Variants in PCSK5 observed in about 807,000 individuals in gnomAD.
The protein encoded by PCSK5 is prohormone convertase 5.
PCSK5 carries 129 observed loss-of-function variants against 233.2 expected under a neutral mutation model. The observed-to-expected ratio is 0.55, with a 90% CI of 0.48 to 0.64. The LOEUF (loss-of-function observed/expected upper bound fraction) is 0.64. Ranked by LOEUF, PCSK5 falls within the 30% of genes least tolerant of loss-of-function variation. The pLI, the probability that PCSK5 is intolerant of heterozygous loss-of-function variation, is 0.00. For missense variants in PCSK5, 2,076 were observed against 2,430.1 expected (o/e 0.85, Z 3.06); for synonymous variants, 825 against 879.2 (o/e 0.94, Z 1.09).
intron 20 of PCSK5, chr9:76,205,146 TC>T (rs1564106893): frequency 1.9e-6 from 1 of 518,956 alleles, no homozygotes; most frequent in South Asian, 1.4e-5. Flanking sequence ...AGGTATTTTT[TC>T]CCCCACCAAA....
At chr9:76,276,865 A>G (rs1009963048) in intron 24 of PCSK5, among the ~76,000 whole-genome samples, 1 of 152,240 alleles carries the variant, frequency 6.6e-6, no homozygotes, top group African/African-American at 2.4e-5. Context: ...ACCTGTCTTC[A>G]TGAAGCTTGC....
intron 25 of PCSK5, among the ~76,000 whole-genome samples, 177 bp downstream of exon 25, chr9:76,292,452 C>A (rs971826294): frequency 8.5e-5 from 13 of 152,272 alleles, no homozygotes; most frequent in Non-Finnish European, 1.5e-4. Context: ...TGTTTCCTTG[C>A]CTCGAAAGGA....
rs1375359918 is a variant in PCSK5 at position 76,233,454 on chromosome 9, C to T, written c.2730-6C>T. ...GATGAATTCTAAAAGTCTGCTTTTCCTCTAGGATTTTTGATGATGGCCGCT... is the reference window on the plus strand; with the variant it reads ...GATGAATTCTAAAAGTCTGCTTTTCTTCTAGGATTTTTGATGATGGCCGCT... On this transcript the variant is annotated splice_polypyrimidine_tract_variant and splice_region_variant and intron_variant, in intron 21 of 37. Transcript: ENST00000674117. The T allele has an allele frequency of 1.2e-6, 2 of 1,612,520 alleles. No homozygotes were observed. The highest frequency in any genetic ancestry group is 2.2e-5 in the East Asian group (1 of 44,882).
intron 24 of PCSK5, among the ~76,000 whole-genome samples, chr9:76,251,216 A>G (rs922933599): frequency 1.3e-5 from 2 of 152,148 alleles, no homozygotes; most frequent in South Asian, 2.1e-4. Flanking sequence ...GCAGTGAGCT[A>G]TGATCACGCC....
intron 5 of PCSK5, among the ~76,000 whole-genome samples, chr9:76,049,123 A>G (rs1381485268): frequency 6.6e-6 from 1 of 152,062 alleles, no homozygotes; most frequent in East Asian, 1.9e-4. Context: ...AAGAAGAAAG[A>G]AAAAAGGAGA....
intron 9 of PCSK5, among the ~76,000 whole-genome samples, chr9:76,121,431 G>GTA (rs772833189): frequency 6.6e-6 from 1 of 152,138 alleles, no homozygotes; most frequent in African/African-American, 2.4e-5. Flanking sequence ...TAATGTGTGT[G>GTA]TATATATGTG....
chr9:76,187,596 CGA>C (rs1483204300), intron 17 of PCSK5, among the ~76,000 whole-genome samples: 2 of 152,182 alleles, frequency 1.3e-5, no homozygotes, highest in Admixed American at 1.3e-4. Flanking sequence ...CTCCTGGCTT[CGA>C]GTGATCCACC....
chr9:76,224,475 T>C (rs1166170084), intron 20 of PCSK5, among the ~76,000 whole-genome samples: 1 of 151,776 alleles, frequency 6.6e-6, no homozygotes, highest in East Asian at 1.9e-4. Context: ...AGGTGATGTC[T>C]CCTTTTGCAG....
intron 20 of PCSK5, among the ~76,000 whole-genome samples, chr9:76,197,261 C>T (rs1026759223): frequency 6.6e-6 from 1 of 152,134 alleles, no homozygotes. Context: ...ATAGTGTGTC[C>T]ATTCTGAATC....
chr9:76,184,389 A>AG lies in PCSK5; in HGVS notation c.2198-284_2198-283insG, dbSNP rs67032941. On this transcript the variant is annotated intron_variant, in intron 16 of 37. Transcript: ENST00000674117. ...GGGAGAGAGACTAGGAAGAAGAAGAAAAAAAAAAGACCTATAAACTATTCA... is the reference window on the plus strand; with the variant it reads ...GGGAGAGAGACTAGGAAGAAGAAGAAGAAAAAAAAGACCTATAAACTATTCA... Among the ~76,000 whole-genome samples the AG allele has an allele frequency of 2.1e-3, 313 of 151,522 alleles. 1 individual carries two copies. Among genetic ancestry groups the AG allele is most frequent in the Non-Finnish European group, 3.8e-3 (258 of 67,802 alleles).
In PCSK5 at chr9:76,069,451, C is replaced by T. The variant is rs998248773; in HGVS notation, c.721+1408C>T. 1.6e-3 allele frequency among the ~76,000 whole-genome samples: 56 copies of T among 35,814 alleles called. 1 individual carries two copies. Among genetic ancestry groups the T allele is most frequent in the Admixed American group, 0.012 (33 of 2,844 alleles). 23.5% of individuals were successfully genotyped at this position (35,814 alleles called of 152,430 possible). On this transcript the variant is annotated intron_variant, in intron 6 of 37. Transcript: ENST00000674117. Reference sequence around the variant, plus strand: ...AAACCAATGACCTAGCTTACAGAACCTTATTTAAAAAAAAAAAAAAGGATA... The same window carrying T: ...AAACCAATGACCTAGCTTACAGAACTTTATTTAAAAAAAAAAAAAAGGATA...
At chr9:76,132,953 T>C (rs571758080) in intron 9 of PCSK5, among the ~76,000 whole-genome samples, 1 of 152,082 alleles carries the variant, frequency 6.6e-6, no homozygotes, top group East Asian at 1.9e-4. Flanking sequence ...ATACAGGCCC[T>C]ATCATGAAAA....
At chr9:76,184,565 C>T in intron 16 of PCSK5, 108 bp from the exon 17 acceptor site, 1 of 597,500 alleles carries the variant, frequency 1.7e-6, no homozygotes, top group East Asian at 3.0e-5. Flanking sequence ...ATTGTCTAGT[C>T]AAGGCCATAG....
At chr9:76,157,345 C>A (rs1379535819) in intron 11 of PCSK5, among the ~76,000 whole-genome samples, 183 bp downstream of exon 11, 1 of 152,062 alleles carries the variant, frequency 6.6e-6, no homozygotes, top group Non-Finnish European at 1.5e-5. Context: ...ACTAGTATAG[C>A]CCAAGAATCC....
At chr9:76,193,476 T>TTTTC (rs1361985477) in intron 20 of PCSK5, 4 of 725,468 alleles carry the variant, frequency 5.5e-6, no homozygotes, top group South Asian at 2.4e-5. Context: ...CTTGCTCTCT[T>TTTTC]TTTCTTTCTC....
At chr9:76,304,090 T>C (rs1845639) in intron 28 of PCSK5, among the ~76,000 whole-genome samples, 44,070 of 151,974 alleles carry the variant, frequency 0.29, 6,901 homozygotes, top group African/African-American at 0.39. Context: ...GAGAATCGCT[T>C]GAACCTGGGA....
intron 2 of PCSK5, among the ~76,000 whole-genome samples, chr9:75,966,135 A>T (rs534139486): frequency 6.6e-6 from 1 of 152,282 alleles, no homozygotes; most frequent in East Asian, 1.9e-4. Flanking sequence ...TGTCTCTAGG[A>T]ATCACTCTGA....
intron 20 of PCSK5, among the ~76,000 whole-genome samples, chr9:76,204,673 G>A (rs1825044860): frequency 6.6e-6 from 1 of 152,132 alleles, no homozygotes; most frequent in Non-Finnish European, 1.5e-5. Context: ...CATGAGGGCA[G>A]GAGTGCATTT....
intron 3 of PCSK5, among the ~76,000 whole-genome samples, chr9:76,020,906 A>G (rs1216691989): frequency 1.3e-5 from 2 of 152,208 alleles, no homozygotes; most frequent in Admixed American, 6.5e-5. Flanking sequence ...TGGCCACGGC[A>G]GGTTTTGAAA....
Sources: gnomAD v4.1 joint callset for allele counts (sites outside exome capture counted in the v4.1 genomes callset) on GRCh38, gnomAD v4.1.1 for gene constraint, MANE v1.5 for transcripts, NCBI Gene and HGNC (gene_info 2026-07-23, HGNC 2026-07-21) for gene names.